Variants in RIF1 observed in about 807,000 individuals in gnomAD.
RIF1 encodes the protein replication timing regulatory factor 1, also known as telomere-associated protein RIF1.
A neutral mutation model predicts 247.1 loss-of-function variants in RIF1; 45 were observed. That is an observed-to-expected ratio of 0.18 (90% CI 0.14 to 0.23). The LOEUF (loss-of-function observed/expected upper bound fraction) is 0.23, where lower values mean the gene tolerates loss of function less well. Ranked by LOEUF, RIF1 falls within the 10% of genes least tolerant of loss-of-function variation. The pLI is 1.00. For synonymous variants in RIF1, 1,087 were observed against 978.8 expected (o/e 1.11, Z -2.06); for missense variants, 2,967 against 2,862.5 (o/e 1.04, Z -0.83).
At chr2:151,528,696 A>G in the RIF1 span, among the ~76,000 whole-genome samples, 1 of 152,210 alleles carries the variant, frequency 6.6e-6, no homozygotes, top group Non-Finnish European at 1.5e-5. Context: ...GTGCTCATCT[A>G]AATGCACAAA....
chr2:151,439,932 C>T (rs1011221732), intron 14 of RIF1, 95 bp from the exon 15 acceptor site: 14 of 614,428 alleles, frequency 2.3e-5, no homozygotes, highest in African/African-American at 1.8e-4. Context: ...AAGGTTGTGC[C>T]CCTGTACCCC....
intron 3 of RIF1, among the ~76,000 whole-genome samples, chr2:151,414,228 G>A (rs2152092484): frequency 6.6e-6 from 1 of 152,034 alleles, no homozygotes; most frequent in South Asian, 2.1e-4. Context: ...AGAGGTTGCA[G>A]GGAACTGAGA....
chr2:151,456,009 C>G (rs1168460870), intron 22 of RIF1, among the ~76,000 whole-genome samples: 1 of 152,090 alleles, frequency 6.6e-6, no homozygotes, highest in Non-Finnish European at 1.5e-5. Context: ...ATTTATGTGT[C>G]TGAATTGGTC....
rs373373289 is a variant in RIF1, at chr2:151,417,741, CAT to C, written c.503+841_503+842del. Among the ~76,000 whole-genome samples, 234 of 152,250 alleles carry C rather than the reference CAT, an allele frequency of 1.5e-3. 1 individual carries two copies. Among genetic ancestry groups the C allele is most frequent in the African/African-American group, 5.1e-3 (211 of 41,558 alleles). ...TGCGTAGGTTATATGCAAATACAGT[CAT>C]GTGTCACATAATGATGGGAATACAT... On this transcript the variant is annotated intron_variant, in intron 6 of 35. Transcript: ENST00000444746.
chr2:151,479,329 C>T lies in RIF1; in HGVS notation c.*4258C>T, dbSNP rs1374231643. 3 of 152,132 alleles carry T rather than the reference C, an allele frequency of 2.0e-5. No individual in the cohort carries two copies. Among genetic ancestry groups the T allele is most frequent in the Admixed American group, 6.5e-5 (1 of 15,276 alleles). The allele number at this position is 152,132 out of a possible 1,614,324, so 9.4% of individuals were successfully genotyped here. A position where few individuals can be genotyped will look rare whatever the true frequency, so the allele number is the denominator to read the frequency against. On this transcript the variant is annotated 3_prime_UTR_variant, in exon 36 of 36. Coordinates refer to ENST00000444746, the MANE Select transcript of RIF1 (RefSeq NM_018151.5). The stretch of plus-strand genomic sequence containing the variant: ...ACGATTTATTTTTTAAGTAGGCAGA[C>T]TAAGAATTTCAAGTTATAAAGAATC...
chr2:151,491,731 CAT>C lies in RIF1; in HGVS notation c.*416-3496_*416-3495del. 1 of 1,598,502 alleles carries C rather than the reference CAT, an allele frequency of 6.3e-7. No homozygotes were observed. Among genetic ancestry groups the C allele is most frequent in the Non-Finnish European group, 8.5e-7 (1 of 1,172,080 alleles). ...GACTGGATGTTGTCTTCTGCTGGAT[CAT>C]AGTCAAAAACCGAACCAGGATTAGT... On this transcript the variant is annotated intron_variant and NMD_transcript_variant, in intron 9 of 13. Transcript: ENST00000454583.
At chr2:151,468,869 A>G (rs949597392) in intron 33 of RIF1, 113 bp downstream of exon 33, 13 of 755,956 alleles carry the variant, frequency 1.7e-5, no homozygotes, top group Admixed American at 2.5e-5. Flanking sequence ...ACTCTCACAC[A>G]CATTTTATTT....
intron 30 of RIF1, among the ~76,000 whole-genome samples, chr2:151,466,359 C>T (rs1696873923): frequency 6.6e-6 from 1 of 152,194 alleles, no homozygotes; most frequent in Non-Finnish European, 1.5e-5. Context: ...CAGCTGTGCA[C>T]ATTGTTCACC....
chr2:151,445,511 TTA>T, intron 19 of RIF1, 66 bp downstream of exon 19: 3 of 848,906 alleles, frequency 3.5e-6, no homozygotes, highest in Admixed American at 3.8e-5. Flanking sequence ...ATTTCATCCT[TTA>T]TAATCAGCTT....
the RIF1 span, chr2:151,516,461 C>G: frequency 6.2e-7 from 1 of 1,605,710 alleles, no homozygotes; most frequent in East Asian, 2.2e-5. Flanking sequence ...TGACTTACCC[C>G]ACTCTGCATC....
chr2:151,447,006 C>G (rs993437127), intron 20 of RIF1, among the ~76,000 whole-genome samples: 1 of 148,578 alleles, frequency 6.7e-6, no homozygotes, highest in African/African-American at 2.5e-5. Flanking sequence ...TGCAGTGGCG[C>G]GATCTCGGCT....
At position 151,497,126 on chromosome 2, in the gene RIF1, C is replaced by A. The variant is rs188042437; in HGVS notation, c.*513+1800C>A. On this transcript the variant is annotated intron_variant and NMD_transcript_variant, in intron 10 of 13. Coordinates refer to the RIF1 transcript ENST00000454583. ...GGTAAGGTCAGCTTCCTTGTTAAGACAAAACACAGTTGTCCAAGGAGCCAG... is the reference window on the plus strand; with the variant it reads ...GGTAAGGTCAGCTTCCTTGTTAAGAAAAAACACAGTTGTCCAAGGAGCCAG... 2.1e-3 allele frequency: 2,930 copies of A among 1,428,908 alleles called. 50 individuals are homozygous for A. The South Asian group carries it at 0.027, about 13-fold the overall frequency. 88.5% of individuals were successfully genotyped at this position (1,428,908 alleles called of 1,614,324 possible). A position where few individuals can be genotyped will look rare whatever the true frequency, so the allele number is the denominator to read the frequency against.
At chr2:151,474,772 C>A in intron 35 of RIF1, 85 bp from the exon 36 acceptor site, 1 of 766,366 alleles carries the variant, frequency 1.3e-6, no homozygotes, top group Non-Finnish European at 2.2e-6. Flanking sequence ...GAAACCTAGG[C>A]ACTTGGACTA....
At chr2:151,442,646 A>C (rs1182303356) in intron 16 of RIF1, among the ~76,000 whole-genome samples, 1 of 152,020 alleles carries the variant, frequency 6.6e-6, no homozygotes, top group East Asian at 1.9e-4. Context: ...TAGTATCTCT[A>C]GGATATAGGC....
Position 151,435,593 on chromosome 2 carries a change from T to C in RIF1, c.1195+13T>C, listed in dbSNP as rs1691015902. On this transcript the variant is annotated intron_variant, in intron 11 of 35. Transcript: ENST00000444746. ...CCTGTACACAAAGGTAAGAGGTAGATATTCTTGTTTTTTGCTTTTTTAATC... is the reference window on the plus strand; with the variant it reads ...CCTGTACACAAAGGTAAGAGGTAGACATTCTTGTTTTTTGCTTTTTTAATC... 6.9e-7 allele frequency: 1 copy of C among 1,453,806 alleles called. No individual in the cohort carries two copies. Among genetic ancestry groups the C allele is most frequent in the African/African-American group, 1.4e-5 (1 of 71,570 alleles). 90.1% of individuals were successfully genotyped at this position (1,453,806 alleles called of 1,614,324 possible). A position where few individuals can be genotyped will look rare whatever the true frequency, so the allele number is the denominator to read the frequency against.
At chr2:151,505,609 A>C (rs147313132) in intron 12 of RIF1, 1 of 1,485,494 alleles carries the variant, frequency 6.7e-7, no homozygotes, top group South Asian at 1.1e-5. Flanking sequence ...GTATTATTAC[A>C]TGCTGGACTG....
At chr2:151,514,162 A>C in the RIF1 span, among the ~76,000 whole-genome samples, 94 of 152,358 alleles carry the variant, frequency 6.2e-4, no homozygotes, top group Non-Finnish European at 1.0e-4. Context: ...GGTATATTTT[A>C]TGTAATGGTT....
downstream of RIF1, among the ~76,000 whole-genome samples, chr2:151,486,918 G>C (rs2050965189): frequency 1.3e-5 from 2 of 152,166 alleles, no homozygotes. Flanking sequence ...CACCAGAAGA[G>C]TTTTGAATAC....
Position 151,462,397 on chromosome 2 carries a change from T to C in RIF1, c.3309-15T>C. ...ATAATTATAAAAATAATATTCTTAC[T>C]AATATTTATTTCAGGGAAATTCCTA... On this transcript the variant is annotated splice_polypyrimidine_tract_variant and intron_variant, in intron 28 of 35. Transcript: ENST00000444746. 1 of 1,481,862 alleles carries C rather than the reference T, an allele frequency of 6.7e-7. No individual in the cohort carries two copies. The highest frequency in any genetic ancestry group is 1.3e-5 in the South Asian group (1 of 76,478). The allele number at this position is 1,481,862 out of a possible 1,614,324, so 91.8% of individuals were successfully genotyped here.
Sources: gnomAD v4.1 joint callset for allele counts (sites outside exome capture counted in the v4.1 genomes callset) on GRCh38, gnomAD v4.1.1 for gene constraint, MANE v1.5 for transcripts, NCBI Gene and HGNC (gene_info 2026-07-23, HGNC 2026-07-21) for gene names.